Variants in ERC2 observed in about 807,000 individuals in gnomAD.
ERC2 encodes ELKS/RAB6-interacting/CAST family member 2.
In ERC2, 42 loss-of-function variants were observed where a neutral mutation model predicts 114.8. The ratio of observed to expected loss-of-function variants is 0.37; its 90% CI spans 0.29 to 0.47. The LOEUF is 0.47. Ranked by LOEUF, ERC2 falls within the 20% of genes least tolerant of loss-of-function variation. The pLI is 0.99. For missense variants in ERC2, 939 were observed against 1,150.7 expected (o/e 0.82, Z 2.66); for synonymous variants, 454 against 425.5 (o/e 1.07, Z -0.82).
chr3:56,281,204 G>C (rs555489225), intron 3 of ERC2, among the ~76,000 whole-genome samples: 5 of 151,920 alleles, frequency 3.3e-5, no homozygotes, highest in African/African-American at 1.2e-4. Flanking sequence ...TTGGGAGGCC[G>C]AGGCGGGCGG....
intron 15 of ERC2, among the ~76,000 whole-genome samples, chr3:55,701,695 G>C (rs898322898): frequency 5.9e-5 from 9 of 152,280 alleles, no homozygotes; most frequent in Non-Finnish European, 1.3e-4. Context: ...GACCCAATGG[G>C]CAAGTTATGC....
chr3:55,978,761 T>C (rs1024990360), intron 12 of ERC2, among the ~76,000 whole-genome samples: 9 of 152,236 alleles, frequency 5.9e-5, no homozygotes, highest in African/African-American at 2.2e-4. Context: ...GATGATGTTG[T>C]TTCTTAGGAG....
At chr3:55,680,532 T>C (rs563166177) in intron 17 of ERC2, among the ~76,000 whole-genome samples, 20 of 152,324 alleles carry the variant, frequency 1.3e-4, no homozygotes, top group African/African-American at 3.4e-4. Flanking sequence ...AGAACAATTA[T>C]GGAGAATTGA....
intron 3 of ERC2, among the ~76,000 whole-genome samples, chr3:56,210,287 T>G (rs1560380413): frequency 1.3e-5 from 2 of 152,214 alleles, no homozygotes; most frequent in African/African-American, 4.8e-5. Context: ...TGAGCCCATC[T>G]AATTGAAAAG....
chr3:56,147,052 T>C (rs1051150058), intron 5 of ERC2, among the ~76,000 whole-genome samples: 1 of 152,218 alleles, frequency 6.6e-6, no homozygotes, highest in Non-Finnish European at 1.5e-5. Context: ...TTTTCAGCTG[T>C]AGAAGTGGCT....
chr3:55,905,058 C>T (rs2064349902), intron 13 of ERC2, among the ~76,000 whole-genome samples: 1 of 152,202 alleles, frequency 6.6e-6, no homozygotes, highest in Non-Finnish European at 1.5e-5. Flanking sequence ...AATCACCAAG[C>T]TTGTTGCCTA....
chr3:56,340,109 A>G (rs150971986), intron 2 of ERC2, among the ~76,000 whole-genome samples: 3,768 of 152,298 alleles, frequency 0.025, 57 homozygotes, highest in Middle Eastern at 0.037. Flanking sequence ...GTAAATATAT[A>G]CACAGTATCC....
At chr3:55,913,315 G>A (rs1186153637) in intron 13 of ERC2, among the ~76,000 whole-genome samples, 2 of 151,992 alleles carry the variant, frequency 1.3e-5, no homozygotes. Flanking sequence ...GGGGTCTTAT[G>A]GTTATTTCCA....
intron 2 of ERC2, among the ~76,000 whole-genome samples, chr3:56,365,155 T>C (rs2059102594): frequency 6.6e-6 from 1 of 152,232 alleles, no homozygotes; most frequent in East Asian, 1.9e-4. Flanking sequence ...CTGCTGTTGC[T>C]CTATTACACT....
At chr3:56,326,194 A>G (rs1281599576) in intron 2 of ERC2, among the ~76,000 whole-genome samples, 4 of 152,234 alleles carry the variant, frequency 2.6e-5, no homozygotes, top group African/African-American at 9.6e-5. Flanking sequence ...AGAACTGCTC[A>G]GGAAGAGCTG....
At chr3:55,546,624 T>C (rs2054770866) in intron 17 of ERC2, among the ~76,000 whole-genome samples, 2 of 152,236 alleles carry the variant, frequency 1.3e-5, no homozygotes. Context: ...GAATCCTATT[T>C]CACCATCACA....
chr3:55,591,860 T>C (rs868824075), intron 17 of ERC2, among the ~76,000 whole-genome samples: 2 of 152,226 alleles, frequency 1.3e-5, no homozygotes, highest in African/African-American at 2.4e-5. Context: ...GGTAACCCCG[T>C]TGGGGAAGGT....
At chr3:56,167,501 A>G (rs531179363) in intron 4 of ERC2, among the ~76,000 whole-genome samples, 1 of 152,294 alleles carries the variant, frequency 6.6e-6, no homozygotes, top group African/African-American at 2.4e-5. Context: ...CTTGCTTCTA[A>G]GTGACAACCA....
intron 17 of ERC2, among the ~76,000 whole-genome samples, chr3:55,560,383 T>A (rs1444786046): frequency 6.6e-6 from 1 of 152,228 alleles, no homozygotes; most frequent in East Asian, 1.9e-4. Context: ...ATTGACATTT[T>A]AAGCCTGATA....
chr3:55,591,048 C>T (rs1391699605), intron 17 of ERC2, among the ~76,000 whole-genome samples: 8 of 152,016 alleles, frequency 5.3e-5, no homozygotes, highest in South Asian at 4.1e-4. Context: ...AGGCTGGTCT[C>T]GAACTCCTGA....
intron 14 of ERC2, among the ~76,000 whole-genome samples, chr3:55,744,470 A>G (rs2066184223): frequency 6.6e-6 from 1 of 152,330 alleles, no homozygotes; most frequent in South Asian, 2.1e-4. Flanking sequence ...AAAGAAGTGC[A>G]ACTTTGTAAC....
intron 7 of ERC2, 132 bp downstream of exon 7, chr3:56,080,685 A>G: frequency 1.2e-6 from 1 of 832,656 alleles, no homozygotes; most frequent in Non-Finnish European, 1.8e-6. Flanking sequence ...TAAGTGAAAC[A>G]CCAGTATGAA....
chr3:55,830,161 G>C (rs371573116), intron 14 of ERC2, among the ~76,000 whole-genome samples: 7 of 152,288 alleles, frequency 4.6e-5, no homozygotes, highest in African/African-American at 1.7e-4. Flanking sequence ...AGAAATCACT[G>C]AAGACAGAAA....
At chr3:56,006,662 T>C (rs1316076902) in intron 10 of ERC2, among the ~76,000 whole-genome samples, 2 of 152,102 alleles carry the variant, frequency 1.3e-5, no homozygotes, top group African/African-American at 4.8e-5. Flanking sequence ...CAAGCTTTCT[T>C]AGACAGTAAG....
Sources: allele counts gnomAD v4.1 joint callset (sites outside exome capture counted in the v4.1 genomes callset), GRCh38; gene constraint gnomAD v4.1.1; transcripts MANE v1.5; gene names NCBI Gene and HGNC (gene_info 2026-07-23, HGNC 2026-07-21).